KIAA0319L: variants seen among roughly 807,000 people sequenced by gnomAD.
KIAA0319L encodes the protein KIAA0319 like, also known as dyslexia-associated protein KIAA0319-like protein.
KIAA0319L carries 55 observed loss-of-function variants against 120.1 expected under a neutral mutation model. The observed-to-expected ratio is 0.46, with a 90% CI of 0.37 to 0.57. KIAA0319L has a LOEUF of 0.57. Among genes scored for constraint, KIAA0319L ranks in the 20% least tolerant of loss-of-function variants. The pLI is 0.00. For missense variants in KIAA0319L, 1,049 were observed against 1,255.3 expected (o/e 0.84, Z 2.48); for synonymous variants, 398 against 471.9 (o/e 0.84, Z 2.03).
intron 3 of KIAA0319L, among the ~76,000 whole-genome samples, chr1:35,503,649 T>C (rs1014382921): frequency 6.6e-6 from 1 of 152,118 alleles, no homozygotes; most frequent in African/African-American, 2.4e-5. Context: ...AGTACAATGG[T>C]TCTCTTGCCT....
At chr1:35,478,368 T>C (rs894869479) in intron 4 of KIAA0319L, among the ~76,000 whole-genome samples, 2 of 151,990 alleles carry the variant, frequency 1.3e-5, no homozygotes, top group Non-Finnish European at 2.9e-5. Flanking sequence ...AGGGTGACTA[T>C]AGTCAATAAT....
intron 2 of KIAA0319L, among the ~76,000 whole-genome samples, chr1:35,535,975 A>AT (rs908118842): frequency 1.6e-4 from 24 of 152,222 alleles, no homozygotes; most frequent in Admixed American, 4.6e-4. Context: ...AATTTGTGGG[A>AT]TTTTTTCTAT....
At chr1:35,518,950 G>C (rs1415745405) in intron 2 of KIAA0319L, among the ~76,000 whole-genome samples, 1 of 140,994 alleles carries the variant, frequency 7.1e-6, no homozygotes, top group Non-Finnish European at 1.5e-5. Context: ...GTTGCAGTGA[G>C]CCAAGATCAA....
At chr1:35,540,421 A>T (rs1406412822) in intron 2 of KIAA0319L, among the ~76,000 whole-genome samples, 1 of 152,224 alleles carries the variant, frequency 6.6e-6, no homozygotes, top group Admixed American at 6.5e-5. Flanking sequence ...GGAGCACCCT[A>T]ATGCAGAAGA....
intron 2 of KIAA0319L, among the ~76,000 whole-genome samples, chr1:35,536,225 T>G (rs1458536600): frequency 2.0e-5 from 3 of 151,554 alleles, no homozygotes; most frequent in Admixed American, 6.6e-5. Context: ...AAAAGCAGAG[T>G]GGATAAAAAA....
intron 2 of KIAA0319L, among the ~76,000 whole-genome samples, chr1:35,542,228 T>C (rs898388956): frequency 6.6e-6 from 1 of 152,252 alleles, no homozygotes. Flanking sequence ...TGCATGAATA[T>C]TTTATTTAAT....
chr1:35,501,003 C>T (rs1644984784), intron 3 of KIAA0319L, among the ~76,000 whole-genome samples: 1 of 151,898 alleles, frequency 6.6e-6, no homozygotes, highest in Non-Finnish European at 1.5e-5. Flanking sequence ...GTAATGCCTC[C>T]GTGCAACACT....
intron 2 of KIAA0319L, among the ~76,000 whole-genome samples, chr1:35,552,364 C>T (rs934688501): frequency 2.0e-5 from 3 of 151,948 alleles, no homozygotes; most frequent in Non-Finnish European, 4.4e-5. Context: ...AACCTTTGGT[C>T]CTCCAAAACA....
chr1:35,529,379 T>C (rs1437920214), intron 2 of KIAA0319L, among the ~76,000 whole-genome samples: 1 of 152,254 alleles, frequency 6.6e-6, no homozygotes, highest in Admixed American at 6.5e-5. Flanking sequence ...CTCTTTCTCA[T>C]CTGTGTGCTT....
intron 3 of KIAA0319L, among the ~76,000 whole-genome samples, chr1:35,501,337 T>C (rs1570847966): frequency 6.6e-6 from 1 of 152,286 alleles, no homozygotes; most frequent in Non-Finnish European, 1.5e-5. Flanking sequence ...GCCATAATTA[T>C]CCTATAGTAT....
At chr1:35,483,988 G>A (rs557337629) in intron 3 of KIAA0319L, among the ~76,000 whole-genome samples, 31 of 151,902 alleles carry the variant, frequency 2.0e-4, no homozygotes, top group African/African-American at 7.0e-4. Context: ...TGGATCCAAA[G>A]CTCCCTTTCC....
intron 20 of KIAA0319L, 57 bp downstream of exon 20, chr1:35,440,990 C>T: frequency 7.5e-7 from 1 of 1,335,472 alleles, no homozygotes; most frequent in Non-Finnish European, 1.1e-6. Context: ...CTAGTGACAG[C>T]AGCCTTCCAC....
chr1:35,443,143 G>A, intron 17 of KIAA0319L, 115 bp from the exon 18 acceptor site: 2 of 1,284,374 alleles, frequency 1.6e-6, no homozygotes, highest in South Asian at 2.8e-5. Flanking sequence ...GTGGTGAAAT[G>A]TCCTCGAGAC....
At chr1:35,473,096 T>TC (rs1396862628) in intron 5 of KIAA0319L, among the ~76,000 whole-genome samples, 16 of 131,992 alleles carry the variant, frequency 1.2e-4, no homozygotes, top group African/African-American at 4.7e-4. Context: ...TTTTTTTTTT[T>TC]TTTTTTTCTT....
Position 35,453,583 on chromosome 1 carries a change from A to G in KIAA0319L, c.1887T>C (p.Ile629=). The change falls in exon 12 of 21, where the codon ATT becomes ATC. Residue 629 remains isoleucine, a synonymous_variant. Coordinates refer to ENST00000325722, the MANE Select transcript of KIAA0319L (RefSeq NM_024874.5). The surrounding 1 kb of genome is among the most constrained non-coding windows in gnomAD (Gnocchi z 4.1). ...DGSKSSDDQK[I]ISYLWEKTQG... is the part of the protein sequence containing the mutation. ...GTGTTTTTTCCCAGAGATATGAGAT[A>G]ATTTTCTGATCATCTGAGCTCTTGC... The G allele has an allele frequency of 6.2e-7, 1 of 1,614,022 alleles. No homozygotes were observed. The highest frequency in any genetic ancestry group is 8.5e-7 in the Non-Finnish European group (1 of 1,179,948).
chr1:35,475,323 G>A (rs1038793483), intron 4 of KIAA0319L, among the ~76,000 whole-genome samples: 1 of 151,934 alleles, frequency 6.6e-6, no homozygotes, highest in Non-Finnish European at 1.5e-5. Flanking sequence ...TTCAAATCCT[G>A]TTTCAAGTAT....
Position 35,479,196 on chromosome 1 carries a change from G to A in KIAA0319L, c.683C>T (p.Thr228Ile). The A allele has an allele frequency of 1.2e-6, 2 of 1,613,530 alleles. No homozygotes were observed. The highest frequency in any genetic ancestry group is 1.7e-6 in the Non-Finnish European group (2 of 1,179,522). Residue 228 changes from threonine (T) to isoleucine (I), a missense_variant, in exon 4 of 21, where the codon ACA becomes ATA. Physicochemically the swap from Thr to Ile is moderately conservative, Grantham distance 89. Transcript: ENST00000325722. ...SGSAEVHKAI[T>I]ISSPLTTDLT... ...GTCTGTGGTTAGGGGACTGGAAATTGTAATCGCCTTGTGGACCTAAAGAAA... is the reference window on the plus strand; with the variant it reads ...GTCTGTGGTTAGGGGACTGGAAATTATAATCGCCTTGTGGACCTAAAGAAA...
chr1:35,462,406 C>T (rs1642961636), intron 8 of KIAA0319L, among the ~76,000 whole-genome samples: 1 of 152,174 alleles, frequency 6.6e-6, no homozygotes. Context: ...GGAAATATTA[C>T]TTCAAATAGG....
At chr1:35,468,144 T>G (rs80232878) in intron 6 of KIAA0319L, among the ~76,000 whole-genome samples, 1 of 141,946 alleles carries the variant, frequency 7.0e-6, no homozygotes, top group Non-Finnish European at 1.5e-5. Context: ...CAGGCAAATG[T>G]TTTTTTTTTT....
Sources: gnomAD v4.1 joint callset for allele counts (sites outside exome capture counted in the v4.1 genomes callset) on GRCh38, gnomAD v4.1.1 for gene constraint, Gnocchi (gnomAD v3.1) non-coding constraint, MANE v1.5 for transcripts, NCBI Gene and HGNC (gene_info 2026-07-23, HGNC 2026-07-21) for gene names.